Variants in ZFHX3 observed in about 807,000 individuals in gnomAD.
ZFHX3 encodes zinc finger homeobox 3.
A neutral mutation model predicts 279.1 loss-of-function variants in ZFHX3; 42 were observed. The ratio of observed to expected loss-of-function variants is 0.15; its 90% CI spans 0.12 to 0.19. The LOEUF is 0.19. Among genes scored for constraint, ZFHX3 ranks in the 10% least tolerant of loss-of-function variants. ZFHX3 has a pLI of 1.00. For missense variants in ZFHX3, 4,981 were observed against 4,754.0 expected (o/e 1.05, Z -1.40); for synonymous variants, 2,293 against 1,957.8 (o/e 1.17, Z -4.52).
At position 72,951,033 on chromosome 16, in the gene ZFHX3, C is replaced by T; in HGVS notation, c.2720-68G>A. 10 of 1,552,722 alleles carry T rather than the reference C, an allele frequency of 6.4e-6. No homozygotes were observed. In the South Asian group the frequency reaches 1.2e-4, roughly 19 times the overall value. ...TGGTCACGGCCACAGCTGAGGCACC[C>T]CCCAGCCCTCCGCCACCCTCAACTG... On this transcript the variant is annotated intron_variant, in intron 2 of 9. Coordinates refer to ENST00000268489, the MANE Select transcript of ZFHX3 (RefSeq NM_006885.4).
intron 2 of ZFHX3, among the ~76,000 whole-genome samples, chr16:73,654,569 A>T (rs917736376): frequency 2.6e-5 from 4 of 152,136 alleles, no homozygotes; most frequent in Non-Finnish European, 5.9e-5. Flanking sequence ...TTCCTAAAAA[A>T]TTTATTACTT....
At chr16:73,823,528 T>G (rs1456795082) in intron 1 of ZFHX3, among the ~76,000 whole-genome samples, 1 of 152,190 alleles carries the variant, frequency 6.6e-6, no homozygotes, top group Non-Finnish European at 1.5e-5. Context: ...GAACAGAATC[T>G]AGAATAGGGG....
At chr16:73,841,813 A>T (rs1186604546) in intron 1 of ZFHX3, among the ~76,000 whole-genome samples, 2 of 152,230 alleles carry the variant, frequency 1.3e-5, no homozygotes, top group Non-Finnish European at 2.9e-5. Flanking sequence ...GCTGCCAGGG[A>T]AGAGTAGACT....
At chr16:73,357,333 A>G (rs1207236889) in intron 3 of ZFHX3, among the ~76,000 whole-genome samples, 4 of 150,930 alleles carry the variant, frequency 2.7e-5, no homozygotes, top group Admixed American at 2.6e-4. Context: ...TACAAAAAAT[A>G]ACAAAAATTG....
intron 1 of ZFHX3, among the ~76,000 whole-genome samples, chr16:73,752,833 ACT>A (rs1292438487): frequency 6.6e-6 from 1 of 152,080 alleles, no homozygotes; most frequent in Non-Finnish European, 1.5e-5. Flanking sequence ...TAGTATGGAC[ACT>A]CTTTCAGAAG....
chr16:73,637,395 C>A (rs2052537207), intron 2 of ZFHX3, among the ~76,000 whole-genome samples: 1 of 151,486 alleles, frequency 6.6e-6, no homozygotes, highest in Non-Finnish European at 1.5e-5. Flanking sequence ...CCATGCCCAG[C>A]TAATTTTTTG....
chr16:73,569,424 C>T (rs183068394), intron 2 of ZFHX3, among the ~76,000 whole-genome samples: 2 of 151,394 alleles, frequency 1.3e-5, no homozygotes, highest in Non-Finnish European at 2.9e-5. Context: ...CTAAAAACTC[C>T]GAAAGAGATA....
intron 2 of ZFHX3, among the ~76,000 whole-genome samples, chr16:73,498,744 C>T (rs932967023): frequency 1.3e-5 from 2 of 152,170 alleles, no homozygotes; most frequent in Admixed American, 1.3e-4. Context: ...ACCAAGGCCT[C>T]ATCTGAGCCG....
chr16:73,884,581 G>C (rs1023148096), intron 1 of ZFHX3, among the ~76,000 whole-genome samples: 1 of 152,174 alleles, frequency 6.6e-6, no homozygotes, highest in African/African-American at 2.4e-5. Flanking sequence ...AGTACCAGTG[G>C]TGTTTCCAAC....
In ZFHX3 at chr16:72,934,182, T is replaced by C. The variant is rs1490520665; in HGVS notation, c.3216+16287A>G. Among the ~76,000 whole-genome samples, 6 of 152,126 alleles carry C rather than the reference T, an allele frequency of 3.9e-5. No individual in the cohort carries two copies. The South Asian group carries it at 8.3e-4, about 21-fold the overall frequency. On this transcript the variant is annotated intron_variant, in intron 3 of 9. Coordinates refer to ENST00000268489, the MANE Select transcript of ZFHX3 (RefSeq NM_006885.4). ...GGCTCAGCCTGTAATTCCAATACTTTAGGAGGCTGAGGCAGGAGGATCACT... is the reference window on the plus strand; with the variant it reads ...GGCTCAGCCTGTAATTCCAATACTTCAGGAGGCTGAGGCAGGAGGATCACT...
At chr16:73,520,752 A>G (rs985215318) in intron 2 of ZFHX3, among the ~76,000 whole-genome samples, 6 of 152,184 alleles carry the variant, frequency 3.9e-5, no homozygotes, top group African/African-American at 1.4e-4. Flanking sequence ...TTAATTTAAC[A>G]TATATTTATT....
intron 1 of ZFHX3, among the ~76,000 whole-genome samples, chr16:73,775,525 G>A (rs1420620260): frequency 1.3e-5 from 2 of 152,102 alleles, no homozygotes; most frequent in African/African-American, 2.4e-5. Flanking sequence ...TGGAGGCAAT[G>A]CTATTTCCTT....
intron 5 of ZFHX3, among the ~76,000 whole-genome samples, chr16:73,211,514 C>T (rs2012015800): frequency 6.6e-6 from 1 of 151,966 alleles, no homozygotes; most frequent in Non-Finnish European, 1.5e-5. Context: ...AAATACAAAG[C>T]ACGGGGAAAT....
At chr16:72,994,859 A>G (rs118068012) in intron 1 of ZFHX3, among the ~76,000 whole-genome samples, 1,769 of 152,312 alleles carry the variant, frequency 0.012, 40 homozygotes, top group East Asian at 0.1. Context: ...ATCTAGTCAA[A>G]TGCACATCTC....
rs199685442 is a variant in ZFHX3 at position 72,784,252 on chromosome 16, G to GAAAAAA, written c.*2906_*2911dup. On this transcript the variant is annotated 3_prime_UTR_variant, in exon 10 of 10. Transcript: ENST00000268489. ...AGGGAGGATGGCATAGTAGCTCCAT[G>GAAAAAA]AAAAAAAAAAACAAAAACAAAAACA... is the stretch of plus-strand genomic sequence containing the variant. 4 of 135,586 alleles carry GAAAAAA rather than the reference G, an allele frequency of 3.0e-5. No individual in the cohort carries two copies. Among genetic ancestry groups the GAAAAAA allele is most frequent in the Non-Finnish European group, 4.8e-5 (3 of 62,226 alleles). 8.4% of individuals were successfully genotyped at this position (135,586 alleles called of 1,614,324 possible).
At chr16:73,804,148 C>T (rs1435890867) in intron 1 of ZFHX3, among the ~76,000 whole-genome samples, 2 of 151,892 alleles carry the variant, frequency 1.3e-5, no homozygotes, top group African/African-American at 2.4e-5. Flanking sequence ...CAGAGCAGAC[C>T]CTGTCTCAAA....
intron 7 of ZFHX3, among the ~76,000 whole-genome samples, chr16:73,117,455 A>G (rs1597162876): frequency 6.6e-6 from 1 of 152,348 alleles, no homozygotes; most frequent in East Asian, 1.9e-4. Flanking sequence ...TGGGGCCAGA[A>G]AGTAGAAATT....
intron 1 of ZFHX3, among the ~76,000 whole-genome samples, chr16:73,876,517 T>C (rs1165997082): frequency 6.6e-6 from 1 of 152,212 alleles, no homozygotes; most frequent in Non-Finnish European, 1.5e-5. Context: ...CAGTAACATA[T>C]ATTCAATAAT....
intron 7 of ZFHX3, among the ~76,000 whole-genome samples, chr16:72,810,449 G>C (rs181013122): frequency 6.6e-6 from 1 of 152,338 alleles, no homozygotes; most frequent in African/African-American, 2.4e-5. Flanking sequence ...GCCTCCCAAA[G>C]TGTTGGGATT....
Sources: gnomAD v4.1 joint callset for allele counts (sites outside exome capture counted in the v4.1 genomes callset) on GRCh38, gnomAD v4.1.1 for gene constraint, MANE v1.5 for transcripts, NCBI Gene and HGNC (gene_info 2026-07-23, HGNC 2026-07-21) for gene names.